JAKMIP3: variants seen among roughly 807,000 people sequenced by gnomAD.
The protein encoded by JAKMIP3 is Janus kinase and microtubule interacting protein 3.
Under a neutral mutation model 118.5 loss-of-function variants are expected in JAKMIP3, and 58 were observed. That is an observed-to-expected ratio of 0.49 (90% CI 0.40 to 0.61). The LOEUF is 0.61. JAKMIP3 is among the 20% of genes least tolerant of loss of function. The pLI is 0.00. For synonymous variants in JAKMIP3, 486 were observed against 451.2 expected, an observed-to-expected ratio of 1.08 and a Z score of -0.98; for missense variants, 950 against 1,109.0, an observed-to-expected ratio of 0.86 and a Z score of 2.04.
intron 21 of JAKMIP3, among the ~76,000 whole-genome samples, chr10:132,166,211 C>T (rs2058884650): frequency 6.6e-6 from 1 of 151,984 alleles, no homozygotes; most frequent in Admixed American, 6.5e-5. Context: ...CTATAATCTC[C>T]GTTACTCAGG....
chr10:132,164,768 T>A, intron 21 of JAKMIP3, 33 bp downstream of exon 21: 4 of 1,492,878 alleles, frequency 2.7e-6, no homozygotes, highest in Non-Finnish European at 2.8e-6. Flanking sequence ...GGTTGCTTGT[T>A]AAGATCAAGG....
intron 13 of JAKMIP3, among the ~76,000 whole-genome samples, chr10:132,146,950 G>A (rs188375004): frequency 1.2e-3 from 176 of 152,196 alleles, no homozygotes; most frequent in Non-Finnish European, 2.0e-3. Flanking sequence ...AAATGCCTGC[G>A]TGCACACTTG....
chr10:132,065,005 C>T (rs972156369), upstream of JAKMIP3, among the ~76,000 whole-genome samples: 3 of 152,140 alleles, frequency 2.0e-5, no homozygotes, highest in Non-Finnish European at 2.9e-5. The surrounding 1 kb of genome is among the most constrained non-coding windows in gnomAD (Gnocchi z 5.6). Flanking sequence ...GATGTAGGGT[C>T]CTCCCAGGCT....
At chr10:132,073,522 G>C (rs145453159) in intron 1 of JAKMIP3, among the ~76,000 whole-genome samples, 2,207 of 145,666 alleles carry the variant, frequency 0.015, 65 homozygotes, top group African/African-American at 0.053. Context: ...TTTGAGACAG[G>C]ATCTTGCTCT....
At position 132,118,832 on chromosome 10, in the gene JAKMIP3, T is replaced by A. The variant is rs2048122779; in HGVS notation, c.633+1258T>A. 6.6e-6 allele frequency among the ~76,000 whole-genome samples: 1 copy of A among 152,164 alleles called. No individual in the cohort carries two copies. Among genetic ancestry groups the A allele is most frequent in the Non-Finnish European group, 1.5e-5 (1 of 68,036 alleles). On this transcript the variant is annotated intron_variant, in intron 3 of 23. Coordinates refer to ENST00000684848, the MANE Select transcript of JAKMIP3 (RefSeq NM_001323087.2). The surrounding 1 kb of genome is among the most constrained non-coding windows in gnomAD (Gnocchi z 4.8). ...ACCAGCACTCATAAGAACCGGGTGC[T>A]TTCTTCGCGTGACACGATGCTTGCT...
chr10:132,093,032 C>T (rs1000662579), intron 1 of JAKMIP3, among the ~76,000 whole-genome samples: 8 of 152,216 alleles, frequency 5.3e-5, no homozygotes, highest in Admixed American at 1.3e-4. Flanking sequence ...TCTGGAGGTC[C>T]ACTCCAGACC....
chr10:132,142,477 TGCCCCGGCCCCG>T (rs537968587), intron 11 of JAKMIP3, among the ~76,000 whole-genome samples: 2 of 142,122 alleles, frequency 1.4e-5, no homozygotes, highest in African/African-American at 2.9e-5. Context: ...AGGCTGTGCC[TGCCCCGGCCCCG>T]GCCCCGGCCC....
At chr10:132,138,235 C>T in intron 9 of JAKMIP3, 57 bp downstream of exon 9, 1 of 1,454,230 alleles carries the variant, frequency 6.9e-7, no homozygotes, top group Non-Finnish European at 9.5e-7. Context: ...GCGGAGAGGA[C>T]CACGCCCGCG....
intron 1 of JAKMIP3, among the ~76,000 whole-genome samples, chr10:132,066,650 TC>T (rs1310543284): frequency 6.6e-6 from 1 of 152,222 alleles, no homozygotes; most frequent in Non-Finnish European, 1.5e-5. Context: ...TAATCAAGAA[TC>T]ACACATCACT....
intron 11 of JAKMIP3, among the ~76,000 whole-genome samples, chr10:132,143,390 T>C (rs890881712): frequency 5.9e-5 from 9 of 152,038 alleles, no homozygotes; most frequent in African/African-American, 2.2e-4. Flanking sequence ...AGCCGCATCC[T>C]CCTGGCCAAG....
At chr10:132,094,292 G>A (rs984308473) in intron 1 of JAKMIP3, among the ~76,000 whole-genome samples, 7 of 151,996 alleles carry the variant, frequency 4.6e-5, no homozygotes, top group Non-Finnish European at 7.4e-5. Flanking sequence ...TGGATCCATC[G>A]TTGGTGAGCT....
At chr10:132,087,032 T>C (rs2042484503) in intron 1 of JAKMIP3, among the ~76,000 whole-genome samples, 2 of 152,222 alleles carry the variant, frequency 1.3e-5, no homozygotes, top group Admixed American at 1.3e-4. Flanking sequence ...AGAGCTCCCT[T>C]TAGCAGTTCT....
chr10:132,103,378 A>C (rs957911181), intron 1 of JAKMIP3, among the ~76,000 whole-genome samples: 3 of 142,640 alleles, frequency 2.1e-5, no homozygotes, highest in Non-Finnish European at 4.5e-5. Context: ...GGGAGAGAGG[A>C]ACATCAGAGA....
At chr10:132,140,666 G>A in intron 10 of JAKMIP3, 87 bp downstream of exon 10, 1 of 1,464,556 alleles carries the variant, frequency 6.8e-7, no homozygotes, top group East Asian at 2.5e-5. Context: ...AGGTAACGAG[G>A]GTCTCCTGCC....
chr10:132,082,831 G>T (rs961225397), intron 1 of JAKMIP3, among the ~76,000 whole-genome samples: 1 of 152,154 alleles, frequency 6.6e-6, no homozygotes, highest in African/African-American at 2.4e-5. Flanking sequence ...GGATGGTCTC[G>T]ATCTCTTGAC....
intron 1 of JAKMIP3, among the ~76,000 whole-genome samples, chr10:132,076,597 G>A (rs2040823313): frequency 6.6e-6 from 1 of 150,922 alleles, no homozygotes. Flanking sequence ...CCCCAGGTCT[G>A]ACGGCATGGG....
chr10:132,069,464 A>T (rs1293100186), intron 1 of JAKMIP3, among the ~76,000 whole-genome samples: 1 of 152,138 alleles, frequency 6.6e-6, no homozygotes, highest in South Asian at 2.1e-4. Flanking sequence ...GACCCCCCAG[A>T]CAACCTTCTC....
chr10:132,145,402 CG>C lies in JAKMIP3; in HGVS notation c.1687-112del, dbSNP rs563917649. The C allele has an allele frequency of 2.1e-4, 225 of 1,073,986 alleles. 3 individuals are homozygous for C. The South Asian group carries it at 3.0e-3, about 14-fold the overall frequency. 66.5% of individuals were successfully genotyped at this position (1,073,986 alleles called of 1,614,324 possible). ...CTAATTTTTGTATTTTTTGTAGAGA[CG>C]GGGCTTTGCCACGCTGGCCAGACTG... On this transcript the variant is annotated intron_variant, in intron 12 of 23. Coordinates refer to ENST00000684848, the MANE Select transcript of JAKMIP3 (RefSeq NM_001323087.2).
At position 132,049,433 on chromosome 10, in the gene JAKMIP3, A is replaced by G. The variant is rs2038036080; in HGVS notation, c.-138+12695A>G. Among the ~76,000 whole-genome samples, 1 of 149,230 alleles carries G rather than the reference A, an allele frequency of 6.7e-6. No homozygotes were observed. Among genetic ancestry groups the G allele is most frequent in the Non-Finnish European group, 1.5e-5 (1 of 67,540 alleles). Reference sequence around the variant, plus strand: ...CTATTCTTCAACTGCCTCTTATTAAATTGTCGTTTGTGTTATTCTCCCTTG... The same window carrying G: ...CTATTCTTCAACTGCCTCTTATTAAGTTGTCGTTTGTGTTATTCTCCCTTG... On this transcript the variant is annotated intron_variant, in intron 1 of 23. Coordinates refer to the JAKMIP3 transcript ENST00000657785. This position sits in a 1 kb window ranked among gnomAD's most constrained non-coding sequence, Gnocchi z 4.3.
Sources: gnomAD v4.1 joint callset for allele counts (sites outside exome capture counted in the v4.1 genomes callset) on GRCh38, gnomAD v4.1.1 for gene constraint, Gnocchi (gnomAD v3.1) non-coding constraint, MANE v1.5 for transcripts, NCBI Gene and HGNC (gene_info 2026-07-23, HGNC 2026-07-21) for gene names.